The following MAPKAP1 variants were observed in gnomAD, a reference collection of about 807,000 sequenced individuals.
MAPKAP1 encodes MAPK associated protein 1.
MAPKAP1 carries 20 observed loss-of-function variants against 65.7 expected under a neutral mutation model. The observed-to-expected ratio is 0.30, with a 90% CI of 0.21 to 0.44. MAPKAP1 has a LOEUF of 0.44. Among genes scored for constraint, MAPKAP1 ranks in the 20% least tolerant of loss-of-function variants. The pLI is 1.00. For synonymous variants in MAPKAP1, 222 were observed against 244.3 expected (o/e 0.91, Z 0.85); for missense variants, 423 against 648.0 (o/e 0.65, Z 3.77).
chr9:125,513,983 G>A (rs549667625), intron 7 of MAPKAP1, among the ~76,000 whole-genome samples: 3 of 152,262 alleles, frequency 2.0e-5, no homozygotes, highest in South Asian at 2.1e-4. Flanking sequence ...TAAAAATGAC[G>A]AGTAAATGTC....
chr9:125,640,375 T>C (rs1564596863), intron 4 of MAPKAP1, among the ~76,000 whole-genome samples: 2 of 152,056 alleles, frequency 1.3e-5, no homozygotes. Flanking sequence ...AGTGCTGGGA[T>C]TACAGGCGTG....
intron 1 of MAPKAP1, among the ~76,000 whole-genome samples, chr9:125,698,288 A>AATATATATAAAT (rs1835461807): frequency 1.8e-4 from 9 of 49,040 alleles, no homozygotes; most frequent in South Asian, 6.4e-4. Context: ...AATATATATA[A>AATATATATAAAT]ATATATATAT....
At chr9:125,617,938 A>T (rs1044921457) in intron 4 of MAPKAP1, among the ~76,000 whole-genome samples, 10 of 152,218 alleles carry the variant, frequency 6.6e-5, no homozygotes, top group African/African-American at 2.4e-4. Flanking sequence ...GAGATACTTT[A>T]AAAATCTTCT....
At chr9:125,544,245 T>A (rs987377533) in intron 6 of MAPKAP1, among the ~76,000 whole-genome samples, 1 of 151,932 alleles carries the variant, frequency 6.6e-6, no homozygotes, top group Non-Finnish European at 1.5e-5. Flanking sequence ...CCTGACCTTG[T>A]GATCTGCCTG....
chr9:125,684,915 C>T (rs1834930715), intron 1 of MAPKAP1, among the ~76,000 whole-genome samples: 2 of 152,186 alleles, frequency 1.3e-5, no homozygotes, highest in South Asian at 4.1e-4. Flanking sequence ...TTCCAGCGAT[C>T]CTCCCCATCG....
At chr9:125,593,194 C>T (rs1832022643) in intron 4 of MAPKAP1, among the ~76,000 whole-genome samples, 1 of 151,974 alleles carries the variant, frequency 6.6e-6, no homozygotes, top group Admixed American at 6.6e-5. Flanking sequence ...GTCCCAGCTA[C>T]CCCAGAGGCT....
intron 4 of MAPKAP1, among the ~76,000 whole-genome samples, chr9:125,649,886 G>A (rs1443453026): frequency 6.6e-6 from 1 of 152,022 alleles, no homozygotes; most frequent in Non-Finnish European, 1.5e-5. Context: ...GGTGACCCTG[G>A]GCTGTCATTT....
intron 4 of MAPKAP1, among the ~76,000 whole-genome samples, chr9:125,621,888 G>A (rs1275155528): frequency 6.6e-6 from 1 of 152,140 alleles, no homozygotes; most frequent in Non-Finnish European, 1.5e-5. Context: ...GTAAGAAGTG[G>A]AACCAACAGA....
chr9:125,517,098 C>T (rs1829482829), intron 7 of MAPKAP1, among the ~76,000 whole-genome samples: 2 of 152,104 alleles, frequency 1.3e-5, no homozygotes, highest in African/African-American at 4.8e-5. Flanking sequence ...CACGGTGAGG[C>T]CAGGACGAGA....
At chr9:125,488,001 G>C (rs1448569227) in intron 8 of MAPKAP1, among the ~76,000 whole-genome samples, 1 of 152,184 alleles carries the variant, frequency 6.6e-6, no homozygotes. Context: ...TTTTAGTAGA[G>C]GTCTTAAAGC....
chr9:125,527,250 T>C (rs1425007151), intron 7 of MAPKAP1, among the ~76,000 whole-genome samples: 1 of 152,082 alleles, frequency 6.6e-6, no homozygotes, highest in Non-Finnish European at 1.5e-5. Context: ...GTATTTTTAG[T>C]AGAGATGGAG....
intron 8 of MAPKAP1, among the ~76,000 whole-genome samples, chr9:125,500,548 G>A (rs1828945181): frequency 6.6e-6 from 1 of 152,164 alleles, no homozygotes; most frequent in African/African-American, 2.4e-5. Context: ...AGGTATGAGT[G>A]TGCTTGTGTG....
chr9:125,652,197 T>G, intron 4 of MAPKAP1: 1 of 1,323,022 alleles, frequency 7.6e-7, no homozygotes. Context: ...AGAGAGCTAT[T>G]TAATGCCAAT....
At chr9:125,553,084 G>A (rs980400099) in intron 6 of MAPKAP1, among the ~76,000 whole-genome samples, 2 of 151,846 alleles carry the variant, frequency 1.3e-5, no homozygotes, top group African/African-American at 2.4e-5. Context: ...GTGTGTGTGT[G>A]GGGGGGTGTA....
chr9:125,616,094 G>A (rs561819455), intron 4 of MAPKAP1, among the ~76,000 whole-genome samples: 1 of 152,020 alleles, frequency 6.6e-6, no homozygotes, highest in Non-Finnish European at 1.5e-5. Flanking sequence ...AGGGAAATTT[G>A]ATATATGACC....
At chr9:125,585,783 A>C in intron 4 of MAPKAP1, 56 bp from the exon 5 acceptor site, 1 of 1,545,782 alleles carries the variant, frequency 6.5e-7, no homozygotes, top group Non-Finnish European at 8.9e-7. Context: ...TACAGACCCC[A>C]CTGCTCTCCA....
At chr9:125,469,703 T>G (rs1211225142) in intron 9 of MAPKAP1, among the ~76,000 whole-genome samples, 1 of 152,172 alleles carries the variant, frequency 6.6e-6, no homozygotes, top group Non-Finnish European at 1.5e-5. Context: ...AACACCATAT[T>G]TCAATTAGGC....
intron 1 of MAPKAP1, among the ~76,000 whole-genome samples, chr9:125,704,186 C>T (rs541689707): frequency 3.9e-5 from 6 of 152,230 alleles, no homozygotes; most frequent in South Asian, 2.1e-4. Context: ...TGAAGAGTGC[C>T]GATCTCAGTG....
chr9:125,662,292 G>T (rs906079189), intron 3 of MAPKAP1, among the ~76,000 whole-genome samples: 3 of 152,102 alleles, frequency 2.0e-5, no homozygotes, highest in Non-Finnish European at 4.4e-5. Context: ...TGAGGAGGAA[G>T]AATCACTTGA....
Sources: gnomAD v4.1 joint callset for allele counts (sites outside exome capture counted in the v4.1 genomes callset) on GRCh38, gnomAD v4.1.1 for gene constraint, MANE v1.5 for transcripts, NCBI Gene and HGNC (gene_info 2026-07-23, HGNC 2026-07-21) for gene names.